Variants in UGT1A7 observed in about 807,000 individuals in gnomAD.
The protein encoded by UGT1A7 is UDP-glucuronosyltransferase 1A7.
In UGT1A7, 33 loss-of-function variants were observed where a neutral mutation model predicts 45.6. The ratio of observed to expected loss-of-function variants is 0.72; its 90% CI spans 0.55 to 0.97. UGT1A7 has a LOEUF of 0.97. Among genes scored for constraint, UGT1A7 ranks in the 50% least tolerant of loss-of-function variants. The pLI is 0.00. For missense variants in UGT1A7, 684 were observed against 666.2 expected (o/e 1.03, Z -0.29); for synonymous variants, 274 against 250.6 (o/e 1.09, Z -0.88).
At chr2:233,768,083 C>T in intron 3 of UGT1A7, 137 bp from the exon 4 acceptor site, 1 of 1,591,312 alleles carries the variant, frequency 6.3e-7, no homozygotes, top group Non-Finnish European at 8.6e-7. Flanking sequence ...GGTATCTCAA[C>T]CCACATTTTC....
At chr2:233,753,439 T>G (rs1321423136) in intron 1 of UGT1A7, 3 of 152,230 alleles carry the variant, frequency 2.0e-5, no homozygotes, top group African/African-American at 7.2e-5. Flanking sequence ...TGGTTAATGA[T>G]GTGTTCAGGC....
In UGT1A7 at chr2:233,773,267, C is replaced by T. The variant is rs1428279395; in HGVS notation, c.*708C>T. ...ACTTTTTTTCTGATGTTTCCTACAA[C>T]TAAAAATAAATTAATAAATTTATAT... On this transcript the variant is annotated 3_prime_UTR_variant, in exon 5 of 5. Transcript: ENST00000373426. 6.6e-6 allele frequency: 1 copy of T among 152,172 alleles called. No individual in the cohort carries two copies. Among genetic ancestry groups the T allele is most frequent in the Non-Finnish European group, 1.5e-5 (1 of 68,020 alleles). The allele number at this position is 152,172 out of a possible 1,614,324, so 9.4% of individuals were successfully genotyped here. A position where few individuals can be genotyped will look rare whatever the true frequency, so the allele number is the denominator to read the frequency against.
At chr2:233,713,303 A>T (rs1470676063) in intron 1 of UGT1A7, 1 of 1,614,224 alleles carries the variant, frequency 6.2e-7, no homozygotes, top group South Asian at 1.1e-5. Context: ...TTGAAACAGA[A>T]CATCTTCTGA....
At chr2:233,684,999 GTGT>G (rs1465580748) in intron 1 of UGT1A7, among the ~76,000 whole-genome samples, 3 of 152,102 alleles carry the variant, frequency 2.0e-5, no homozygotes, top group African/African-American at 7.2e-5. Flanking sequence ...TGTGTATGTG[GTGT>G]TTGTGCACGT....
At chr2:233,712,005 A>G (rs770436116) in intron 1 of UGT1A7, among the ~76,000 whole-genome samples, 1 of 152,208 alleles carries the variant, frequency 6.6e-6, no homozygotes, top group Non-Finnish European at 1.5e-5. Context: ...TTCTGGAGGA[A>G]CCATTCTTAT....
In UGT1A7 at chr2:233,760,439, A is replaced by C. The variant is rs1697446829; in HGVS notation, c.856-6595A>C. ...ATGCTTGGGGCCATCCAGCAGCTGC[A>C]GCAGAGGGGACATGAAATAGTTGTC... On this transcript the variant is annotated intron_variant, in intron 1 of 4. Transcript: ENST00000373426. 6.2e-7 allele frequency: 1 copy of C among 1,614,254 alleles called. No individual in the cohort carries two copies. The highest frequency in any genetic ancestry group is 1.7e-5 in the Admixed American group (1 of 60,030).
chr2:233,743,797 C>T (rs1382716558), intron 1 of UGT1A7: 8 of 1,367,342 alleles, frequency 5.9e-6, no homozygotes, highest in Non-Finnish European at 7.8e-6. Flanking sequence ...TCTCCGCTTC[C>T]TCCTTGTTCT....
chr2:233,743,914 C>T lies in UGT1A7; in HGVS notation c.856-23120C>T, dbSNP rs201448352. On this transcript the variant is annotated intron_variant, in intron 1 of 4. Coordinates refer to ENST00000373426, the MANE Select transcript of UGT1A7 (RefSeq NM_019077.3). ...CGTCCAGCACCTCGTAGTAGTCCAC[C>T]ATGCTGGATGGCCAGAACGGCCCAC... is the stretch of plus-strand genomic sequence containing the variant. 797 of 1,364,624 alleles carry T rather than the reference C, an allele frequency of 5.8e-4. 20 individuals are homozygous for T. In the African/African-American group the frequency reaches 8.5e-3, roughly 15 times the overall value. The allele number at this position is 1,364,624 out of a possible 1,614,324, so 84.5% of individuals were successfully genotyped here.
chr2:233,707,789 G>A (rs2075987788), intron 1 of UGT1A7, among the ~76,000 whole-genome samples: 1 of 152,152 alleles, frequency 6.6e-6, no homozygotes, highest in African/African-American at 2.4e-5. Flanking sequence ...ATACCTAGGG[G>A]TGGAGCTGCT....
chr2:233,727,679 G>C lies in UGT1A7; in HGVS notation c.856-39355G>C, dbSNP rs376074254. Among the ~76,000 whole-genome samples, 5 of 152,276 alleles carry C rather than the reference G, an allele frequency of 3.3e-5. No homozygotes were observed. The East Asian group carries it at 7.7e-4, about 24-fold the overall frequency. The stretch of plus-strand genomic sequence containing the variant: ...TGCTCTATGTCCTTACAAATTCCCA[G>C]GAATCATCCTCTACTGGACAGTTCC... On this transcript the variant is annotated intron_variant, in intron 1 of 4. Coordinates refer to ENST00000373426, the MANE Select transcript of UGT1A7 (RefSeq NM_019077.3).
At chr2:233,715,572 G>C (rs1398174608) in intron 1 of UGT1A7, among the ~76,000 whole-genome samples, 1 of 152,076 alleles carries the variant, frequency 6.6e-6, no homozygotes, top group African/African-American at 2.4e-5. Context: ...AGGAGTCTGA[G>C]AGCAGCCTGG....
chr2:233,742,362 A>G (rs536204491), intron 1 of UGT1A7, among the ~76,000 whole-genome samples: 1 of 152,110 alleles, frequency 6.6e-6, no homozygotes, highest in South Asian at 2.1e-4. Context: ...TGCAGCAGAA[A>G]CATGTCCTTA....
chr2:233,772,509 T>C lies in UGT1A7; in HGVS notation c.1543T>C (p.Leu515=). 1.9e-6 allele frequency: 3 copies of C among 1,614,170 alleles called. No individual in the cohort carries two copies. Among genetic ancestry groups the C allele is most frequent in the Middle Eastern group, 1.6e-4 (1 of 6,062 alleles). ...TTGTGCTTATGGCTACCGGAAATGC[T>C]TGGGGAAAAAAGGGCGAGTTAAGAA... The part of the protein sequence containing the change: ...KCCAYGYRKC[L]GKKGRVKKAH... Residue 515 remains leucine, a synonymous_variant, in exon 5 of 5, where the codon TTG becomes CTG. Transcript: ENST00000373426.
Position 233,767,108 on chromosome 2 carries a change from A to T in UGT1A7, c.930A>T (p.Glu310Asp). ...TCTCTTTGGGATCAATGGTCTCAGA[A>T]ATTCCAGAGAAGAAAGCTATGGCAA... The part of the protein sequence containing the change: ...VVFSLGSMVS[E>D]IPEKKAMAIA... The change falls in exon 2 of 5, where the codon GAA (glutamate) becomes GAT (aspartate). Residue 310 changes from glutamate (E) to aspartate (D), a missense_variant. Glu to Asp is a conservative substitution (Grantham distance 45). Coordinates refer to ENST00000373426, the MANE Select transcript of UGT1A7 (RefSeq NM_019077.3). 1 of 1,614,166 alleles carries T rather than the reference A, an allele frequency of 6.2e-7. No individual in the cohort carries two copies.
intron 1 of UGT1A7, chr2:233,730,056 T>G (rs1178732328): frequency 1.2e-6 from 2 of 1,611,614 alleles, no homozygotes. Flanking sequence ...AAAAATGTAT[T>G]TATTTAAAAT....
chr2:233,760,041 G>A (rs1458038785), intron 1 of UGT1A7, among the ~76,000 whole-genome samples: 2 of 152,178 alleles, frequency 1.3e-5, no homozygotes, highest in Admixed American at 6.5e-5. Context: ...GTACTTTGCT[G>A]TGTTCACTCA....
intron 1 of UGT1A7, among the ~76,000 whole-genome samples, chr2:233,708,858 T>C (rs188966229): frequency 6.6e-6 from 1 of 152,170 alleles, no homozygotes; most frequent in East Asian, 1.9e-4. Flanking sequence ...TTTTTTAATC[T>C]CTTTTATTGG....
In UGT1A7 at chr2:233,712,997, C is replaced by T; in HGVS notation, c.855+30205C>T. ...TGTCGGTGGCTTCTGCTGAGATGGC[C>T]ACAGGACTCCAGGTTCCCCTGCCGC... On this transcript the variant is annotated intron_variant, in intron 1 of 4. Transcript: ENST00000373426. The T allele has an allele frequency of 1.9e-6, 3 of 1,613,428 alleles. No individual in the cohort carries two copies. In the East Asian group the frequency reaches 6.7e-5, roughly 36 times the overall value.
intron 1 of UGT1A7, chr2:233,747,094 A>T: frequency 7.8e-7 from 1 of 1,281,688 alleles, no homozygotes; most frequent in Non-Finnish European, 1.1e-6. Flanking sequence ...AGAGCACTCT[A>T]TCTTCCAATT....
Sources: allele counts gnomAD v4.1 joint callset (sites outside exome capture counted in the v4.1 genomes callset), GRCh38; gene constraint gnomAD v4.1.1; transcripts MANE v1.5; gene names NCBI Gene and HGNC (gene_info 2026-07-23, HGNC 2026-07-21).